Variants in BBX observed in about 807,000 individuals in gnomAD.
BBX encodes the protein HMG box transcription factor BBX.
In BBX, 30 loss-of-function variants were observed where a neutral mutation model predicts 100.2. That is an observed-to-expected ratio of 0.30 (90% CI 0.22 to 0.41). BBX has a LOEUF of 0.41. Ranked by LOEUF, BBX falls within the 10% of genes least tolerant of loss-of-function variation. The pLI is 1.00. For missense variants in BBX, 1,023 were observed against 1,129.8 expected, an observed-to-expected ratio of 0.91 and a Z score of 1.35; for synonymous variants, 376 against 388.1, an observed-to-expected ratio of 0.97 and a Z score of 0.37.
intron 2 of BBX, among the ~76,000 whole-genome samples, chr3:107,611,006 T>G (rs574204014): frequency 6.6e-6 from 1 of 152,210 alleles, no homozygotes; most frequent in East Asian, 1.9e-4. Context: ...TGTTTTTTAT[T>G]TTTTGTTCAT....
At chr3:107,580,589 T>C (rs1379000484) in intron 2 of BBX, among the ~76,000 whole-genome samples, 1 of 152,174 alleles carries the variant, frequency 6.6e-6, no homozygotes, top group Non-Finnish European at 1.5e-5. Flanking sequence ...AGGTAAGTTA[T>C]CAGGGGAAAA....
Position 107,654,434 on chromosome 3 carries a change from A to AT in BBX, c.-10+8535dup, listed in dbSNP as rs951613077. On this transcript the variant is annotated intron_variant, in intron 3 of 17. Coordinates refer to ENST00000325805, the MANE Select transcript of BBX (RefSeq NM_001142568.3). ...TTTTCCCTAATCAGCAAAATTATAG[A>AT]TTTTTTTTTTACTGGCTTTCTGCTA... is the stretch of plus-strand genomic sequence containing the variant. Among the ~76,000 whole-genome samples, 892 of 149,554 alleles carry AT rather than the reference A, an allele frequency of 6.0e-3. 12 individuals are homozygous for AT. The highest frequency in any genetic ancestry group is 0.02 in the African/African-American group (836 of 40,922).
intron 6 of BBX, among the ~76,000 whole-genome samples, chr3:107,730,039 A>G (rs1011519250): frequency 3.9e-5 from 6 of 152,070 alleles, no homozygotes. Context: ...GTGAGCTGTG[A>G]CCTCACGACT....
intron 3 of BBX, among the ~76,000 whole-genome samples, chr3:107,669,836 G>T (rs980331099): frequency 6.6e-6 from 1 of 152,248 alleles, no homozygotes; most frequent in Non-Finnish European, 1.5e-5. Context: ...AATGAACAGA[G>T]GTCCTTAGGT....
At chr3:107,697,584 C>G (rs543300008) in intron 3 of BBX, among the ~76,000 whole-genome samples, 2 of 152,018 alleles carry the variant, frequency 1.3e-5, no homozygotes, top group African/African-American at 4.8e-5. Flanking sequence ...GCTGGGAGAA[C>G]CGCTGCTCTC....
chr3:107,778,405 T>A lies in BBX; in HGVS notation c.2089T>A (p.Phe697Ile), dbSNP rs147837010. ...GCTGGATGAAGAATTTGAAAAAAAATTCAACAGCCTCCCTCAATATAGTCC... is the reference window on the plus strand; with the variant it reads ...GCTGGATGAAGAATTTGAAAAAAAAATCAACAGCCTCCCTCAATATAGTCC... ...AKLDEEFEKK[F>I]NSLPQYSPVT... is the part of the protein sequence containing the mutation. Residue 697 changes from phenylalanine (F) to isoleucine (I), a missense_variant, in exon 13 of 18, where the codon TTC becomes ATC. By Grantham distance (21) the Phe-to-Ile change is conservative. Coordinates refer to ENST00000325805, the MANE Select transcript of BBX (RefSeq NM_001142568.3). 5 of 1,613,178 alleles carry A rather than the reference T, an allele frequency of 3.1e-6. No homozygotes were observed. The highest frequency in any genetic ancestry group is 1.7e-6 in the Non-Finnish European group (2 of 1,179,502).
At chr3:107,608,260 T>C (rs539608386) in intron 2 of BBX, among the ~76,000 whole-genome samples, 5 of 152,340 alleles carry the variant, frequency 3.3e-5, no homozygotes, top group East Asian at 1.9e-4. Flanking sequence ...TGGTGAGATA[T>C]AGGAGTCTAG....
chr3:107,560,847 G>A (rs1329848351), intron 2 of BBX, among the ~76,000 whole-genome samples: 1 of 152,166 alleles, frequency 6.6e-6, no homozygotes, highest in African/African-American at 2.4e-5. Flanking sequence ...GGTATTCTGA[G>A]CAATGAGGAA....
intron 13 of BBX, among the ~76,000 whole-genome samples, chr3:107,787,590 T>C (rs976861082): frequency 3.3e-5 from 5 of 152,174 alleles, no homozygotes; most frequent in Admixed American, 6.5e-5. Flanking sequence ...TATCTGAATA[T>C]AAACACAAGT....
At chr3:107,549,262 T>A (rs1311342517) in intron 2 of BBX, among the ~76,000 whole-genome samples, 4 of 152,204 alleles carry the variant, frequency 2.6e-5, no homozygotes, top group Non-Finnish European at 5.9e-5. Flanking sequence ...ACTATAGTAA[T>A]AAGACCATTA....
At chr3:107,635,390 T>A (rs2056789822) in intron 2 of BBX, among the ~76,000 whole-genome samples, 1 of 152,218 alleles carries the variant, frequency 6.6e-6, no homozygotes, top group Admixed American at 6.5e-5. Flanking sequence ...TGTGCCACTG[T>A]CCACTTAAGT....
intron 5 of BBX, among the ~76,000 whole-genome samples, chr3:107,720,624 G>C (rs777112768): frequency 7.9e-5 from 12 of 151,994 alleles, no homozygotes; most frequent in Non-Finnish European, 1.8e-4. Flanking sequence ...AGGTTCAGCT[G>C]TATGCCAATA....
chr3:107,764,295 A>G (rs905592301), intron 10 of BBX, among the ~76,000 whole-genome samples: 8 of 152,220 alleles, frequency 5.3e-5, no homozygotes, highest in Non-Finnish European at 1.0e-4. Context: ...CCCAGCCAGC[A>G]TTGTATTTTA....
chr3:107,670,714 C>T (rs2058975923), intron 3 of BBX, among the ~76,000 whole-genome samples: 3 of 152,048 alleles, frequency 2.0e-5, no homozygotes, highest in South Asian at 2.1e-4. Flanking sequence ...ATACACTTGA[C>T]TGGATTAATA....
intron 2 of BBX, among the ~76,000 whole-genome samples, chr3:107,632,042 G>A (rs1355179377): frequency 1.3e-5 from 2 of 151,892 alleles, no homozygotes; most frequent in African/African-American, 4.8e-5. Context: ...TCAGATCCTA[G>A]TGGGAACCTC....
chr3:107,618,144 T>G (rs1395574412), intron 2 of BBX, among the ~76,000 whole-genome samples: 1 of 152,052 alleles, frequency 6.6e-6, no homozygotes, highest in African/African-American at 2.4e-5. Context: ...ATCATTTTTC[T>G]TCTTTATCCT....
intron 5 of BBX, among the ~76,000 whole-genome samples, chr3:107,727,979 T>C (rs1242262910): frequency 6.6e-6 from 1 of 152,166 alleles, no homozygotes; most frequent in Non-Finnish European, 1.5e-5. Context: ...TTTCACGTTA[T>C]TGTCATGCAA....
chr3:107,613,941 GTTTTTTTTTT>G (rs533672871), intron 2 of BBX, among the ~76,000 whole-genome samples: 4,606 of 86,220 alleles, frequency 0.053, 196 homozygotes, highest in African/African-American at 0.17. Flanking sequence ...ACATACCATG[GTTTTTTTTTT>G]TTTTTTTTTT....
intron 6 of BBX, among the ~76,000 whole-genome samples, chr3:107,731,799 C>T (rs1393773266): frequency 6.6e-6 from 1 of 151,928 alleles, no homozygotes; most frequent in Non-Finnish European, 1.5e-5. Context: ...TACTTAAGGA[C>T]ATATCTTCAA....
Sources: allele counts gnomAD v4.1 joint callset (sites outside exome capture counted in the v4.1 genomes callset), GRCh38; gene constraint gnomAD v4.1.1; transcripts MANE v1.5; gene names NCBI Gene and HGNC (gene_info 2026-07-23, HGNC 2026-07-21).